FAM171B: variants seen among roughly 807,000 people sequenced by gnomAD.
FAM171B encodes the protein protein FAM171B.
Under a neutral mutation model 75.6 loss-of-function variants are expected in FAM171B, and 19 were observed. The ratio of observed to expected loss-of-function variants is 0.25; its 90% CI spans 0.18 to 0.37. FAM171B has a LOEUF of 0.37. Among genes scored for constraint, FAM171B ranks in the 10% least tolerant of loss-of-function variants. The pLI is 1.00. For synonymous variants in FAM171B, 367 were observed against 361.7 expected, an observed-to-expected ratio of 1.01 and a Z score of -0.17; for missense variants, 848 against 982.4, an observed-to-expected ratio of 0.86 and a Z score of 1.83.
chr2:186,740,133 G>T (rs1416290168), intron 1 of FAM171B, 95 bp from the exon 2 acceptor site: 6 of 787,552 alleles, frequency 7.6e-6, no homozygotes, highest in Admixed American at 5.0e-5. Flanking sequence ...CAACAGTTTT[G>T]TACTGTTATT....
intron 1 of FAM171B, among the ~76,000 whole-genome samples, chr2:186,728,794 T>G (rs997600950): frequency 1.3e-5 from 2 of 152,214 alleles, no homozygotes; most frequent in African/African-American, 4.8e-5. Flanking sequence ...ATGAGGTGGC[T>G]TCTCCATGTG....
intron 1 of FAM171B, among the ~76,000 whole-genome samples, chr2:186,706,129 C>T (rs1176455663): frequency 6.6e-6 from 1 of 152,148 alleles, no homozygotes; most frequent in Non-Finnish European, 1.5e-5. Context: ...AAACCTCAAT[C>T]AGTTTTAGCA....
chr2:186,698,496 C>T (rs374285855), intron 1 of FAM171B, among the ~76,000 whole-genome samples: 7 of 152,016 alleles, frequency 4.6e-5, no homozygotes, highest in South Asian at 4.1e-4. Flanking sequence ...GTTTCCACTA[C>T]GTGGGATTTG....
At chr2:186,755,216 C>G (rs1228475083) in intron 6 of FAM171B, among the ~76,000 whole-genome samples, 1 of 152,178 alleles carries the variant, frequency 6.6e-6, no homozygotes, top group Non-Finnish European at 1.5e-5. Context: ...CAGCCTGCTA[C>G]CACTTCCTGG....
intron 1 of FAM171B, among the ~76,000 whole-genome samples, chr2:186,722,023 T>C (rs1309876257): frequency 6.6e-6 from 1 of 152,248 alleles, no homozygotes; most frequent in Non-Finnish European, 1.5e-5. Context: ...ATTTACTTTC[T>C]ATCAGAGCAG....
chr2:186,704,997 G>A (rs898933326), intron 1 of FAM171B, among the ~76,000 whole-genome samples: 1 of 152,172 alleles, frequency 6.6e-6, no homozygotes, highest in African/African-American at 2.4e-5. Context: ...CCCAAAGTGG[G>A]GCTTAGCCTG....
intron 1 of FAM171B, among the ~76,000 whole-genome samples, chr2:186,701,487 C>T (rs1045567640): frequency 6.6e-6 from 1 of 152,086 alleles, no homozygotes; most frequent in African/African-American, 2.4e-5. Flanking sequence ...ACTTTTTGTC[C>T]TACATCTCAC....
In FAM171B at chr2:186,740,422, G is replaced by T. The variant is rs139449443; in HGVS notation, c.433G>T (p.Val145Leu). 9.3e-6 allele frequency: 15 copies of T among 1,613,638 alleles called. No homozygotes were observed. The highest frequency in any genetic ancestry group is 9.3e-6 in the Non-Finnish European group (11 of 1,179,764). ...TATTATTGCTTACAAAGATGGCTAC[G>T]TGTTGACCCCTCTGCCTTGGAAAAC... ...LTIIAYKDGY[V>L]LTPLPWKTRR... Residue 145 changes from valine to leucine, a missense_variant, in exon 2 of 8, where the codon GTG becomes TTG. This residue lies in a region of FAM171B where 665 missense variants were observed against 729.0 expected (regional missense o/e 0.91). Transcript: ENST00000304698.
chr2:186,696,595 G>A (rs1689584851), intron 1 of FAM171B, among the ~76,000 whole-genome samples: 2 of 146,680 alleles, frequency 1.4e-5, no homozygotes, highest in Non-Finnish European at 1.5e-5. Flanking sequence ...TTTTCCTCCC[G>A]TCTCCTTTAG....
In FAM171B at chr2:186,740,273, G is replaced by T. The variant is rs73979354; in HGVS notation, c.284G>T (p.Arg95Leu). The change falls in exon 2 of 8, where the codon CGT (arginine) becomes CTT (leucine). Residue 95 changes from arginine (R) to leucine (L), a missense_variant. Transcript: ENST00000304698. ...LKVQVNDIIS[R>L]QYLSQAVVEV... is the part of the protein sequence containing the mutation. The stretch of plus-strand genomic sequence containing the variant: ...GTCCAGGTGAATGACATCATCAGTC[G>T]TCAGTACCTGAGCCAAGCAGTTGTA... 3.7e-6 allele frequency: 6 copies of T among 1,613,822 alleles called. No individual in the cohort carries two copies. In the Admixed American group the frequency reaches 5.0e-5, roughly 13 times the overall value.
At chr2:186,704,540 A>G (rs1484522624) in intron 1 of FAM171B, among the ~76,000 whole-genome samples, 2 of 152,132 alleles carry the variant, frequency 1.3e-5, no homozygotes, top group Non-Finnish European at 2.9e-5. Flanking sequence ...GACACCCTTA[A>G]AAGAAATTTT....
Position 186,705,121 on chromosome 2 carries a change from G to C in FAM171B, c.238+10710G>C, listed in dbSNP as rs751524933. Among the ~76,000 whole-genome samples the C allele has an allele frequency of 5.9e-4, 90 of 152,238 alleles. 1 individual carries two copies. Among genetic ancestry groups the C allele is most frequent in the Non-Finnish European group, 8.8e-5 (6 of 68,046 alleles). On this transcript the variant is annotated intron_variant, in intron 1 of 7. Coordinates refer to ENST00000304698, the MANE Select transcript of FAM171B (RefSeq NM_177454.4). ...ACAGCTCCTATGGTGTTATAACTTCGTGACTGCTCCTGCAGCACAGGGCTA... is the reference window on the plus strand; with the variant it reads ...ACAGCTCCTATGGTGTTATAACTTCCTGACTGCTCCTGCAGCACAGGGCTA...
Position 186,764,388 on chromosome 2 carries a change from G to A in FAM171B, c.*1565G>A, listed in dbSNP as rs375692474. On this transcript the variant is annotated 3_prime_UTR_variant, in exon 8 of 8. Coordinates refer to ENST00000304698, the MANE Select transcript of FAM171B (RefSeq NM_177454.4). The stretch of plus-strand genomic sequence containing the variant: ...TCTGTGTTAACTGAAAGAACATAAA[G>A]ACCCTAGGCAAATATTTGCTATATA... 79 of 148,054 alleles carry A rather than the reference G, an allele frequency of 5.3e-4. No homozygotes were observed. The highest frequency in any genetic ancestry group is 1.7e-3 in the African/African-American group (70 of 40,322). 9.2% of individuals were successfully genotyped at this position (148,054 alleles called of 1,614,324 possible).
At chr2:186,738,114 T>C (rs577791924) in intron 1 of FAM171B, among the ~76,000 whole-genome samples, 2 of 152,348 alleles carry the variant, frequency 1.3e-5, no homozygotes, top group East Asian at 1.9e-4. Context: ...CAGCTCTTGC[T>C]TGGGGAGTCC....
At chr2:186,738,642 G>A (rs555717569) in intron 1 of FAM171B, among the ~76,000 whole-genome samples, 2 of 152,284 alleles carry the variant, frequency 1.3e-5, no homozygotes, top group South Asian at 2.1e-4. Context: ...TCTTTGGCTT[G>A]AAGGTTGGCA....
chr2:186,708,486 G>T (rs1689764683), intron 1 of FAM171B, among the ~76,000 whole-genome samples: 1 of 152,060 alleles, frequency 6.6e-6, no homozygotes, highest in African/African-American at 2.4e-5. Context: ...TAGATAAAAA[G>T]ACCACACATA....
intron 5 of FAM171B, among the ~76,000 whole-genome samples, chr2:186,753,704 C>T (rs1412056111): frequency 5.3e-5 from 8 of 152,158 alleles, no homozygotes; most frequent in Non-Finnish European, 1.0e-4. Context: ...TGAGCCACCG[C>T]ACCTGGCCAT....
rs1244060024 is a variant in FAM171B at position 186,694,151 on chromosome 2, C to T, written c.-23C>T. 2.0e-6 allele frequency: 3 copies of T among 1,537,604 alleles called. No individual in the cohort carries two copies. Among genetic ancestry groups the T allele is most frequent in the African/African-American group, 1.4e-5 (1 of 71,148 alleles). ...CCGCCCGGAGCCCCGCAATATGCCGCCGCGGCCCTCTGGCTCTAGGCCATG... is the reference window on the plus strand; with the variant it reads ...CCGCCCGGAGCCCCGCAATATGCCGTCGCGGCCCTCTGGCTCTAGGCCATG... On this transcript the variant is annotated 5_prime_UTR_variant, in exon 1 of 8. Coordinates refer to ENST00000304698, the MANE Select transcript of FAM171B (RefSeq NM_177454.4).
chr2:186,704,932 G>A (rs1689713651), intron 1 of FAM171B, among the ~76,000 whole-genome samples: 1 of 152,226 alleles, frequency 6.6e-6, no homozygotes, highest in Non-Finnish European at 1.5e-5. Flanking sequence ...TTGCCCCCAT[G>A]TATATGTAAG....
Sources: allele counts gnomAD v4.1 joint callset (sites outside exome capture counted in the v4.1 genomes callset), GRCh38; gene constraint gnomAD v4.1.1; regional missense constraint gnomAD v4.1.1; transcripts MANE v1.5; gene names NCBI Gene and HGNC (gene_info 2026-07-23, HGNC 2026-07-21).